The following AGGF1 variants were observed in gnomAD, a reference collection of about 807,000 sequenced individuals.
AGGF1 encodes the protein angiogenic factor with G patch and FHA domains 1.
AGGF1 carries 56 observed loss-of-function variants against 86.5 expected under a neutral mutation model. That is an observed-to-expected ratio of 0.65 (90% confidence interval 0.52 to 0.81). AGGF1 has a LOEUF of 0.81. Among genes scored for constraint, AGGF1 ranks in the 30% least tolerant of loss-of-function variants. The probability of loss-of-function intolerance (pLI) is 0.00; values close to 1 mark genes in which losing one functional copy is unlikely to be tolerated. For missense variants in AGGF1, 816 were observed against 850.9 expected (o/e 0.96, Z 0.51); for synonymous variants, 313 against 297.1 (o/e 1.05, Z -0.55).
At chr5:77,049,602 TAC>T (rs992158190) in intron 8 of AGGF1, among the ~76,000 whole-genome samples, 2 of 149,706 alleles carry the variant, frequency 1.3e-5, no homozygotes, top group Non-Finnish European at 3.0e-5. Context: ...CAGGCTGGAG[TAC>T]AGTGATGTGA....
At chr5:77,033,299 G>A (rs1485210384) in intron 1 of AGGF1, among the ~76,000 whole-genome samples, 2 of 152,222 alleles carry the variant, frequency 1.3e-5, no homozygotes, top group Non-Finnish European at 2.9e-5. Flanking sequence ...ATAGCCTTGT[G>A]CAAATTACTT....
At position 77,064,612 on chromosome 5, in the gene AGGF1, T is replaced by C. The variant is rs556759023; in HGVS notation, c.*1360T>C. 1 of 152,304 alleles carries C rather than the reference T, an allele frequency of 6.6e-6. No individual in the cohort carries two copies. Among genetic ancestry groups the C allele is most frequent in the East Asian group, 1.9e-4 (1 of 5,176 alleles). The allele number at this position is 152,304 out of a possible 1,614,324, so 9.4% of individuals were successfully genotyped here. A position where few individuals can be genotyped will look rare whatever the true frequency, so the allele number is the denominator to read the frequency against. Reference sequence around the variant, plus strand: ...GACAATCAGGCCCTAAACTCCAAATTTGGATAAAATATCTCTTTGCATTCT... The same window carrying C: ...GACAATCAGGCCCTAAACTCCAAATCTGGATAAAATATCTCTTTGCATTCT... On this transcript the variant is annotated 3_prime_UTR_variant, in exon 14 of 14. Transcript: ENST00000312916.
At position 77,065,113 on chromosome 5, in the gene AGGF1, A is replaced by C. The variant is rs902359857; in HGVS notation, c.*1861A>C. ...TCATGAATAGCAAATGAGAAAATGT[A>C]TATAAAAGCACTTTGTAAATTGTAA... On this transcript the variant is annotated 3_prime_UTR_variant, in exon 14 of 14. Coordinates refer to ENST00000312916, the MANE Select transcript of AGGF1 (RefSeq NM_018046.5). 16 of 152,210 alleles carry C rather than the reference A, an allele frequency of 1.1e-4. No individual in the cohort carries two copies. The highest frequency in any genetic ancestry group is 3.1e-4 in the African/African-American group (13 of 41,472). The allele number at this position is 152,210 out of a possible 1,614,324, so 9.4% of individuals were successfully genotyped here.
Position 77,059,641 on chromosome 5 carries a change from C to T in AGGF1, c.1742C>T (p.Thr581Ile). 1 of 1,609,626 alleles carries T rather than the reference C, an allele frequency of 6.2e-7. No individual in the cohort carries two copies. The highest frequency in any genetic ancestry group is 8.5e-7 in the Non-Finnish European group (1 of 1,176,370). Residue 581 changes from threonine (T) to isoleucine (I), a missense_variant, in exon 12 of 14, where the codon ACA becomes ATA. Physicochemically the swap from Thr to Ile is moderately conservative, Grantham distance 89 (BLOSUM62 -1). This residue lies in a region of AGGF1 where 565 missense variants were observed against 585.8 expected (regional missense o/e 0.96). Transcript: ENST00000312916. ...AATACAGAATACGAAGATGAAAAGA[C>T]ATTGAAGAATCCAAAATATAAAGAT... ...LQNTEYEDEK[T>I]LKNPKYKDRA...
chr5:77,039,870 G>A, intron 5 of AGGF1, 151 bp downstream of exon 5: 13 of 640,292 alleles, frequency 2.0e-5, no homozygotes, highest in African/African-American at 3.7e-5. Context: ...GAGCAAACAT[G>A]GACTTTTTCA....
intron 1 of AGGF1, among the ~76,000 whole-genome samples, chr5:77,033,978 A>C (rs572489603): frequency 6.6e-6 from 1 of 152,230 alleles, no homozygotes; most frequent in African/African-American, 2.4e-5. Flanking sequence ...CTGTTTAATG[A>C]AAAAATGTAT....
intron 10 of AGGF1, among the ~76,000 whole-genome samples, chr5:77,055,174 G>T (rs1401278144): frequency 1.3e-5 from 2 of 151,920 alleles, no homozygotes; most frequent in African/African-American, 4.8e-5. Context: ...CTTTTATTTT[G>T]CATATGGCTA....
In AGGF1 at chr5:77,055,566, A is replaced by G. The variant is rs765164176; in HGVS notation, c.1686A>G (p.Leu562=). 1.3e-6 allele frequency: 2 copies of G among 1,599,314 alleles called. No individual in the cohort carries two copies. The highest frequency in any genetic ancestry group is 1.7e-6 in the Non-Finnish European group (2 of 1,167,354). ...EEKELERRKE[L]KKIRVKYGLQ... ...AAGAGTTGGAAAGAAGAAAAGAATT[A>G]AAGAAAATACGAGTAAAATATGGTT... The change falls in exon 11 of 14, where the codon TTA becomes TTG. Residue 562 remains leucine (L), a synonymous_variant. Coordinates refer to ENST00000312916, the MANE Select transcript of AGGF1 (RefSeq NM_018046.5).
intron 5 of AGGF1, 104 bp downstream of exon 5, chr5:77,039,823 A>G (rs1365101626): frequency 7.0e-6 from 7 of 993,310 alleles, no homozygotes; most frequent in Non-Finnish European, 1.1e-5. Flanking sequence ...CTGCATTTCA[A>G]ACATACCCAT....
intron 5 of AGGF1, among the ~76,000 whole-genome samples, chr5:77,041,306 C>G (rs1747075444): frequency 6.6e-6 from 1 of 152,064 alleles, no homozygotes. Flanking sequence ...ATGGCTTATG[C>G]CTGTAATCCC....
chr5:77,060,500 A>G (rs1747537629), intron 12 of AGGF1, among the ~76,000 whole-genome samples: 1 of 152,218 alleles, frequency 6.6e-6, no homozygotes, highest in Non-Finnish European at 1.5e-5. Flanking sequence ...CTGGATAAAA[A>G]TGAAAAAGGT....
chr5:77,047,280 G>A (rs1044083664), intron 6 of AGGF1, among the ~76,000 whole-genome samples: 3 of 152,030 alleles, frequency 2.0e-5, no homozygotes, highest in Admixed American at 6.5e-5. Flanking sequence ...TAAATATGGT[G>A]TACCTATTTA....
intron 12 of AGGF1, among the ~76,000 whole-genome samples, chr5:77,060,725 A>G (rs189065737): frequency 6.6e-6 from 1 of 152,314 alleles, no homozygotes; most frequent in Non-Finnish European, 1.5e-5. Flanking sequence ...AATGGTGCAT[A>G]AAATAATGGT....
At chr5:77,036,292 G>A (rs1168010178) in intron 3 of AGGF1, among the ~76,000 whole-genome samples, 1 of 152,088 alleles carries the variant, frequency 6.6e-6, no homozygotes, top group Non-Finnish European at 1.5e-5. Context: ...GTATTTTGTG[G>A]ATGGCTTCCC....
chr5:77,060,675 C>CT (rs1279546176), intron 12 of AGGF1, among the ~76,000 whole-genome samples: 2 of 152,036 alleles, frequency 1.3e-5, no homozygotes, highest in African/African-American at 2.4e-5. Flanking sequence ...TGCATTGACT[C>CT]TAAGAGTTTT....
rs1747448910 is a variant in AGGF1, at chr5:77,055,894, G to A, written c.1716+298G>A. Among the ~76,000 whole-genome samples the A allele has an allele frequency of 5.9e-5, 9 of 152,288 alleles. No individual in the cohort carries two copies. The South Asian group carries it at 1.9e-3, about 32-fold the overall frequency. ...GTTTGTAGTCCCTGGTACTTGGGAG[G>A]CTGAGGCAAGAAGATCGCTTTAGAT... On this transcript the variant is annotated intron_variant, in intron 11 of 13. Transcript: ENST00000312916.
At chr5:77,033,664 T>G (rs1396022148) in intron 1 of AGGF1, among the ~76,000 whole-genome samples, 1 of 152,260 alleles carries the variant, frequency 6.6e-6, no homozygotes, top group East Asian at 1.9e-4. Flanking sequence ...TTTCTCTGTT[T>G]AAGCTTTATG....
chr5:77,051,737 C>T (rs1747375980), intron 8 of AGGF1, among the ~76,000 whole-genome samples: 1 of 152,032 alleles, frequency 6.6e-6, no homozygotes. Context: ...AAATAGATTG[C>T]AGGTACAAGA....
chr5:77,052,966 A>T (rs930415150), intron 9 of AGGF1, among the ~76,000 whole-genome samples, 159 bp downstream of exon 9: 1 of 152,206 alleles, frequency 6.6e-6, no homozygotes, highest in Non-Finnish European at 1.5e-5. Context: ...AAAAGTGTAT[A>T]ATCAGTGGGT....
Sources: gnomAD v4.1 joint callset for allele counts (sites outside exome capture counted in the v4.1 genomes callset) on GRCh38, gnomAD v4.1.1 for gene constraint, gnomAD v4.1.1 regional missense constraint, MANE v1.5 for transcripts, NCBI Gene and HGNC (gene_info 2026-07-23, HGNC 2026-07-21) for gene names.